Variants in ARHGAP23 observed in about 807,000 individuals in gnomAD.
ARHGAP23 encodes rho GTPase-activating protein 23.
In ARHGAP23, 34 loss-of-function variants were observed where a neutral mutation model predicts 136.3. The observed-to-expected ratio is 0.25, with a 90% confidence interval of 0.19 to 0.33. The LOEUF is 0.33. Among genes scored for constraint, ARHGAP23 ranks in the 10% least tolerant of loss-of-function variants. The probability of loss-of-function intolerance (pLI) is 1.00; values close to 1 mark genes in which losing one functional copy is unlikely to be tolerated. For synonymous variants in ARHGAP23, 832 were observed against 920.5 expected, an observed-to-expected ratio of 0.90 and a Z score of 1.74; for missense variants, 1,808 against 2,139.0, an observed-to-expected ratio of 0.85 and a Z score of 3.05.
At chr17:38,455,589 C>T (rs1039746780) in intron 1 of ARHGAP23, among the ~76,000 whole-genome samples, 7 of 152,140 alleles carry the variant, frequency 4.6e-5, no homozygotes, top group Non-Finnish European at 8.8e-5. Context: ...AGCCACTTCT[C>T]GTCACTGGGG....
rs145839017 is a variant in ARHGAP23, at chr17:38,492,917, C to G, written c.3276+1385C>G. On this transcript the variant is annotated intron_variant, in intron 20 of 23. Coordinates refer to ENST00000622683, the MANE Select transcript of ARHGAP23 (RefSeq NM_001199417.2). ...GGCAGCAGCAGGGAAGAATGGGTGT[C>G]TGGCCCTGTGCTCCTGGAGAAGTCC... is the stretch of plus-strand genomic sequence containing the variant. Among the ~76,000 whole-genome samples, 81 of 152,356 alleles carry G rather than the reference C, an allele frequency of 5.3e-4. 2 individuals carry two copies. In the East Asian group the frequency reaches 0.012, roughly 23 times the overall value.
At chr17:38,498,998 GATT>G (rs1309088531) in intron 22 of ARHGAP23, 4 of 699,892 alleles carry the variant, frequency 5.7e-6, no homozygotes, top group Non-Finnish European at 1.0e-5. Context: ...AGTGGCGGGT[GATT>G]ATAAGAAGGC....
intron 1 of ARHGAP23, among the ~76,000 whole-genome samples, chr17:38,455,447 C>T (rs780448198): frequency 1.3e-5 from 2 of 152,102 alleles, no homozygotes; most frequent in African/African-American, 2.4e-5. Flanking sequence ...GGAGGGGACC[C>T]GGAGAGGAAG....
chr17:38,500,931 G>C lies in ARHGAP23; in HGVS notation c.3447+303G>C, dbSNP rs147727430. ...CAGACAGTCCTGGGTTTGAGTTCTG[G>C]CTCCACCATTTAGTAGTTTGGGACA... On this transcript the variant is annotated intron_variant, in intron 23 of 23. Transcript: ENST00000622683. 11 of 405,898 alleles carry C rather than the reference G, an allele frequency of 2.7e-5. No homozygotes were observed. In the Admixed American group the frequency reaches 3.7e-4, roughly 14 times the overall value. 25.1% of individuals were successfully genotyped at this position (405,898 alleles called of 1,614,324 possible). A position where few individuals can be genotyped will look rare whatever the true frequency, so the allele number is the denominator to read the frequency against.
chr17:38,456,368 T>C (rs952268298), intron 1 of ARHGAP23, among the ~76,000 whole-genome samples: 5 of 152,154 alleles, frequency 3.3e-5, no homozygotes, highest in African/African-American at 1.2e-4. Context: ...CATTTGAGCT[T>C]TCTCCAGCTA....
chr17:38,434,114 C>T (rs902961208), intron 1 of ARHGAP23, among the ~76,000 whole-genome samples: 5 of 152,118 alleles, frequency 3.3e-5, no homozygotes, highest in African/African-American at 4.8e-5. Flanking sequence ...CGTGAGCCAC[C>T]GCGCCTGGCT....
chr17:38,439,904 A>G (rs1022635440), intron 1 of ARHGAP23, among the ~76,000 whole-genome samples: 5 of 148,802 alleles, frequency 3.4e-5, no homozygotes, highest in African/African-American at 1.2e-4. Context: ...TAATTTTTGT[A>G]TTTTTAGTAG....
At position 38,490,144 on chromosome 17, in the gene ARHGAP23, C is replaced by T. The variant is rs769933521; in HGVS notation, c.3029C>T (p.Ala1010Val). ...DFIEANRIED[A>V]RERMRTLRKL... ...ATCGAGGCCAACCGCATTGAGGACG[C>T]GCGGGAGCGAATGAGGACGCTGCGG... The change falls in exon 18 of 24, where the codon GCG (alanine) becomes GTG (valine). Residue 1010 changes from alanine (A) to valine (V), a missense_variant. By Grantham distance (64) the Ala-to-Val change is moderately conservative. Coordinates refer to ENST00000622683, the MANE Select transcript of ARHGAP23 (RefSeq NM_001199417.2). 46 of 1,551,614 alleles carry T rather than the reference C, an allele frequency of 3.0e-5. 1 individual carries two copies. The South Asian group carries it at 3.8e-4, about 13-fold the overall frequency.
chr17:38,437,930 C>T (rs1490022895), intron 1 of ARHGAP23, among the ~76,000 whole-genome samples: 2 of 152,140 alleles, frequency 1.3e-5, no homozygotes, highest in Non-Finnish European at 2.9e-5. Context: ...AGGGTTCTGT[C>T]AATAAACATG....
intron 17 of ARHGAP23, among the ~76,000 whole-genome samples, chr17:38,488,207 C>A (rs943647093): frequency 2.6e-5 from 4 of 152,198 alleles, no homozygotes; most frequent in Non-Finnish European, 4.4e-5. Context: ...CTCACCCAGA[C>A]AGCATTAAAT....
chr17:38,437,793 G>A lies in ARHGAP23; in HGVS notation c.63+9245G>A, dbSNP rs1175707626. On this transcript the variant is annotated intron_variant, in intron 1 of 23. Transcript: ENST00000622683. ...AAATCCAAGCAAAGGTTGGCATAAC[G>A]AAGGGGGGGGAGGGCAGATGTAATG... Among the ~76,000 whole-genome samples the A allele has an allele frequency of 1.0e-4, 7 of 69,104 alleles. No individual in the cohort carries two copies. In the East Asian group the frequency reaches 1.2e-3, roughly 12 times the overall value. 45.3% of individuals were successfully genotyped at this position (69,104 alleles called of 152,430 possible).
chr17:38,499,329 TTATCTC>T (rs1284815678), intron 22 of ARHGAP23, among the ~76,000 whole-genome samples: 51 of 152,334 alleles, frequency 3.3e-4, no homozygotes, highest in African/African-American at 1.1e-3. Flanking sequence ...AAGCTTCTCT[TTATCTC>T]TAACTCCTGC....
chr17:38,428,653 G>A (rs2038615389), intron 1 of ARHGAP23, 105 bp downstream of exon 1: 5 of 764,150 alleles, frequency 6.5e-6, no homozygotes, highest in African/African-American at 1.8e-5. Context: ...AGCCTGGGGC[G>A]CACGGTGGGC....
At chr17:38,432,621 A>G (rs866125692) in intron 1 of ARHGAP23, among the ~76,000 whole-genome samples, 1 of 151,990 alleles carries the variant, frequency 6.6e-6, no homozygotes, top group Admixed American at 6.6e-5. Context: ...GGAGATTGCA[A>G]TGAGCCAAGA....
chr17:38,479,419 C>G lies in ARHGAP23; in HGVS notation c.2437-17C>G, dbSNP rs1363857886. The G allele has an allele frequency of 6.5e-7, 1 of 1,539,726 alleles. No homozygotes were observed. Among genetic ancestry groups the G allele is most frequent in the Admixed American group, 2.0e-5 (1 of 50,956 alleles). ...TGTGGGCACTGACATGATCCGCTCTCTCCTCTCCTGCTTCAGGACCCCGGC... is the reference window on the plus strand; with the variant it reads ...TGTGGGCACTGACATGATCCGCTCTGTCCTCTCCTGCTTCAGGACCCCGGC... On this transcript the variant is annotated splice_polypyrimidine_tract_variant and intron_variant, in intron 12 of 23. Coordinates refer to ENST00000622683, the MANE Select transcript of ARHGAP23 (RefSeq NM_001199417.2).
intron 1 of ARHGAP23, among the ~76,000 whole-genome samples, 196 bp downstream of exon 1, chr17:38,428,744 T>G: frequency 6.7e-6 from 1 of 149,786 alleles, no homozygotes; most frequent in African/African-American, 2.5e-5. Context: ...CTGTCCGGGG[T>G]AGAGGGGTGG....
intron 7 of ARHGAP23, among the ~76,000 whole-genome samples, chr17:38,468,200 C>T (rs1191360643): frequency 6.6e-6 from 1 of 152,150 alleles, no homozygotes; most frequent in Admixed American, 6.5e-5. Context: ...TTGTGAGGAC[C>T]CTTTCAGGCC....
At chr17:38,428,677 G>C in intron 1 of ARHGAP23, 129 bp downstream of exon 1, 3 of 561,394 alleles carry the variant, frequency 5.3e-6, no homozygotes, top group Non-Finnish European at 8.0e-6. Flanking sequence ...GGCACCGCGG[G>C]CACCGCTGCG....
intron 10 of ARHGAP23, 38 bp from the exon 11 acceptor site, chr17:38,471,825 G>C: frequency 6.6e-7 from 1 of 1,505,620 alleles, no homozygotes. Context: ...TGGCATTGTG[G>C]GAGCCACCCT....
Sources: allele counts gnomAD v4.1 joint callset (sites outside exome capture counted in the v4.1 genomes callset), GRCh38; gene constraint gnomAD v4.1.1; transcripts MANE v1.5; gene names NCBI Gene and HGNC (gene_info 2026-07-23, HGNC 2026-07-21).